Variants in HTR1D observed in about 807,000 individuals in gnomAD.
The protein encoded by HTR1D is 5-hydroxytryptamine receptor 1D, also known as 5-HT-1D.
Under a neutral mutation model 21.1 loss-of-function variants are expected in HTR1D, and 18 were observed. That is an observed-to-expected ratio of 0.85 (90% confidence interval 0.59 to 1.27). HTR1D has a LOEUF of 1.27. Ranked by LOEUF, HTR1D falls within the 50% of genes most tolerant of loss-of-function variation. HTR1D has a pLI of 0.00. For synonymous variants in HTR1D, 196 were observed against 204.4 expected (o/e 0.96, Z 0.35); for missense variants, 456 against 481.4 (o/e 0.95, Z 0.49).
At chr1:23,199,448 TTTTTTA>T in intron 1 of HTR1D, among the ~76,000 whole-genome samples, 1 of 89,852 alleles carries the variant, frequency 1.1e-5, no homozygotes, top group Admixed American at 1.1e-4. Context: ...TTTTTTTTTT[TTTTTTA>T]GAGAGAGGGT....
At chr1:23,213,194 C>T (rs1644760688) in intron 1 of HTR1D, among the ~76,000 whole-genome samples, 1 of 152,174 alleles carries the variant, frequency 6.6e-6, no homozygotes. Context: ...TTCTTCCTTA[C>T]TCTCTTCCCC....
Position 23,193,118 on chromosome 1 carries a change from G to C in HTR1D, c.1102C>G (p.Gln368Glu), listed in dbSNP as rs1362725179. The C allele has an allele frequency of 6.2e-7, 1 of 1,610,392 alleles. No individual in the cohort carries two copies. Among genetic ancestry groups the C allele is most frequent in the Admixed American group, 1.7e-5 (1 of 59,418 alleles). ...VFNEEFRQAF[Q>E]KIVPFRKAS ...GCCTTCCGGAAAGGGACAATTTTCTGAAAAGCTTGCCGAAACTCTTCATTA... is the reference window on the plus strand; with the variant it reads ...GCCTTCCGGAAAGGGACAATTTTCTCAAAAGCTTGCCGAAACTCTTCATTA... Residue 368 changes from glutamine (Q) to glutamate (E), a missense_variant, in exon 2 of 2, where the codon CAG becomes GAG. By Grantham distance (29) the Gln-to-Glu change is conservative. Transcript: ENST00000374619.
At chr1:23,200,977 A>G (rs1197625671) in intron 1 of HTR1D, among the ~76,000 whole-genome samples, 1 of 152,038 alleles carries the variant, frequency 6.6e-6, no homozygotes, top group East Asian at 1.9e-4. Flanking sequence ...CTCCAGCCAC[A>G]CCATGCCTCT....
In HTR1D at chr1:23,193,191, C is replaced by T. The variant is rs1644666857; in HGVS notation, c.1029G>A (p.Trp343Ter). The T allele has an allele frequency of 6.2e-7, 1 of 1,613,852 alleles. No homozygotes were observed. The highest frequency in any genetic ancestry group is 8.5e-7 in the Non-Finnish European group (1 of 1,180,006). Residue 343 changes from tryptophan (W) to a stop codon, truncating the protein, a stop_gained, in exon 2 of 2, where the codon TGG becomes TGA. Transcript: ENST00000374619. LOFTEE classifies it high-confidence loss of function. ...TGATGAGGGAGTTTAAATAGCCTAGCCAGGTGAAGAAGTCAAAGAGCGCCG... is the reference window on the plus strand; with the variant it reads ...TGATGAGGGAGTTTAAATAGCCTAGTCAGGTGAAGAAGTCAAAGAGCGCCG... ...IHPALFDFFT[W>*]LGYLNSLINP... is the part of the protein sequence containing the mutation.
At position 23,217,217 on chromosome 1, in the gene HTR1D, G is replaced by C. The variant is rs559649299; in HGVS notation, c.-783+74C>G. ...CCCGGGCCCCCGAGGCCCCAGGAGG[G>C]GCGCCGCTCCCGGCCTCAGTTCCCC... is the stretch of plus-strand genomic sequence containing the variant. On this transcript the variant is annotated intron_variant, in intron 1 of 1. Transcript: ENST00000374619. This position sits in a 1 kb window ranked among gnomAD's most constrained non-coding sequence, Gnocchi z 4.6. 4.5e-4 allele frequency among the ~76,000 whole-genome samples: 68 copies of C among 151,760 alleles called. No individual in the cohort carries two copies. Among genetic ancestry groups the C allele is most frequent in the African/African-American group, 1.6e-3 (65 of 41,452 alleles).
At position 23,201,906 on chromosome 1, in the gene HTR1D, A is replaced by C. The variant is rs559721365; in HGVS notation, c.-782-6905T>G. The stretch of plus-strand genomic sequence containing the variant: ...CCAACCAATCCCTACTGTGGGGTCC[A>C]AGTCCTTTCACCTCCTGGGCCCTTC... On this transcript the variant is annotated intron_variant, in intron 1 of 1. Coordinates refer to ENST00000374619, the MANE Select transcript of HTR1D (RefSeq NM_000864.5). Among the ~76,000 whole-genome samples, 3 of 152,186 alleles carry C rather than the reference A, an allele frequency of 2.0e-5. No homozygotes were observed. In the East Asian group the frequency reaches 5.8e-4, roughly 29 times the overall value.
At position 23,193,364 on chromosome 1, in the gene HTR1D, G is replaced by A; in HGVS notation, c.856C>T (p.Leu286=). ...HVKIKLADSA[L]ERKRISAARE... is the part of the protein sequence containing the mutation. ...GCAGCAGAAATCCTCTTGCGTTCCA[G>A]GGCACTGTCAGCAAGCTTGATTTTC... Residue 286 remains leucine (L), a synonymous_variant, in exon 2 of 2, where the codon CTG becomes TTG. Transcript: ENST00000374619. The A allele has an allele frequency of 1.9e-6, 3 of 1,614,170 alleles. No homozygotes were observed. The highest frequency in any genetic ancestry group is 2.5e-6 in the Non-Finnish European group (3 of 1,180,040).
intron 1 of HTR1D, among the ~76,000 whole-genome samples, chr1:23,211,648 T>C (rs1038828370): frequency 4.0e-5 from 6 of 151,816 alleles, no homozygotes; most frequent in Non-Finnish European, 8.8e-5. Flanking sequence ...TATGTATGTA[T>C]GTATGTATGT....
rs6300 is a variant in HTR1D at position 23,193,140 on chromosome 1, A to G, written c.1080T>C (p.Asn360=). ...LINPIIYTVF[N]EEFRQAFQKI... ...TCTGAAAAGCTTGCCGAAACTCTTC[A>G]TTAAACACAGTGTAGATTATTGGAT... is the stretch of plus-strand genomic sequence containing the variant. The change falls in exon 2 of 2, where the codon AAT becomes AAC. Residue 360 remains asparagine, a synonymous_variant. Transcript: ENST00000374619. The G allele has an allele frequency of 0.13, 204,548 of 1,613,054 alleles. 16,786 individuals are homozygous for G. The highest frequency in any genetic ancestry group is 0.3 in the South Asian group (27,539 of 90,858).
chr1:23,194,282 T>TGACAAC lies in HTR1D; in HGVS notation c.-69_-64dup. 1.4e-6 allele frequency: 2 copies of TGACAAC among 1,480,036 alleles called. No individual in the cohort carries two copies. The highest frequency in any genetic ancestry group is 2.6e-5 in the South Asian group (2 of 77,624). The allele number at this position is 1,480,036 out of a possible 1,614,324, so 91.7% of individuals were successfully genotyped here. On this transcript the variant is annotated 5_prime_UTR_variant, in exon 2 of 2. Coordinates refer to ENST00000374619, the MANE Select transcript of HTR1D (RefSeq NM_000864.5). Reference sequence around the variant, plus strand: ...TTGGCTCCTTCCTTCAAGGTTGTCCTGACAACAGAGCAAAGTCATCCTTCT... The same window carrying TGACAAC: ...TTGGCTCCTTCCTTCAAGGTTGTCCTGACAACGACAACAGAGCAAAGTCATCCTTCT...
chr1:23,196,916 C>G (rs1448810848), intron 1 of HTR1D, among the ~76,000 whole-genome samples: 1 of 152,158 alleles, frequency 6.6e-6, no homozygotes, highest in Non-Finnish European at 1.5e-5. Context: ...TGCCCCCACT[C>G]GCCCCAGGCT....
intron 1 of HTR1D, among the ~76,000 whole-genome samples, chr1:23,208,338 G>A (rs932414024): frequency 5.9e-5 from 9 of 152,102 alleles, no homozygotes; most frequent in African/African-American, 2.2e-4. Context: ...TTGGGAGGTC[G>A]AGGCGGGTGG....
Position 23,194,103 on chromosome 1 carries a change from G to A in HTR1D, c.117C>T (p.Ile39=). 1 of 1,614,170 alleles carries A rather than the reference G, an allele frequency of 6.2e-7. No individual in the cohort carries two copies. The highest frequency in any genetic ancestry group is 8.5e-7 in the Non-Finnish European group (1 of 1,180,028). Residue 39 remains isoleucine (I), a synonymous_variant, in exon 2 of 2, where the codon ATC becomes ATT. Coordinates refer to ENST00000374619, the MANE Select transcript of HTR1D (RefSeq NM_000864.5). ...WDPRTLQALK[I]SLAVVLSVIT... ...TGACGGAAAGGACCACGGCAAGGGA[G>A]ATCTTGAGCGCCTGGAGGGTCCTGG...
At chr1:23,205,074 A>G (rs1227190939) in intron 1 of HTR1D, among the ~76,000 whole-genome samples, 1 of 152,258 alleles carries the variant, frequency 6.6e-6, no homozygotes, top group Non-Finnish European at 1.5e-5. Flanking sequence ...AAAGGACTGA[A>G]TTAACAGCAT....
chr1:23,193,299 C>G lies in HTR1D; in HGVS notation c.921G>C (p.Leu307=). ...RKATKILGII[L]GAFIICWLPF... ...GCAGCCAGCAGATGATAAAGGCCCCCAGAATGATGCCCAGGATTTTAGTGG... is the reference window on the plus strand; with the variant it reads ...GCAGCCAGCAGATGATAAAGGCCCCGAGAATGATGCCCAGGATTTTAGTGG... Residue 307 remains leucine (L), a synonymous_variant, in exon 2 of 2, where the codon CTG becomes CTC. Coordinates refer to ENST00000374619, the MANE Select transcript of HTR1D (RefSeq NM_000864.5). 1 of 1,614,166 alleles carries G rather than the reference C, an allele frequency of 6.2e-7. No individual in the cohort carries two copies. The highest frequency in any genetic ancestry group is 8.5e-7 in the Non-Finnish European group (1 of 1,180,026).
At chr1:23,216,658 T>C (rs1210081990) in intron 1 of HTR1D, among the ~76,000 whole-genome samples, 1 of 152,238 alleles carries the variant, frequency 6.6e-6, no homozygotes, top group Admixed American at 6.5e-5. Context: ...CTAGGATTTA[T>C]ACAGAACTTT....
chr1:23,208,618 G>C (rs537157088), intron 1 of HTR1D, among the ~76,000 whole-genome samples: 6 of 151,882 alleles, frequency 4.0e-5, no homozygotes, highest in South Asian at 2.1e-4. Flanking sequence ...AGCCAGGCAT[G>C]GTGTCTCAAA....
Position 23,194,233 on chromosome 1 carries a change from C to T in HTR1D, c.-14G>A, listed in dbSNP as rs761381741. 2.5e-6 allele frequency: 4 copies of T among 1,604,120 alleles called. No homozygotes were observed. Among genetic ancestry groups the T allele is most frequent in the Admixed American group, 1.7e-5 (1 of 58,506 alleles). On this transcript the variant is annotated 5_prime_UTR_variant, in exon 2 of 2. Coordinates refer to ENST00000374619, the MANE Select transcript of HTR1D (RefSeq NM_000864.5). ...CAGTGGGGACATGCTAGGTGGCTCT[C>T]TCTTCCCACAGACCTCCACACATTT...
At position 23,217,289 on chromosome 1, in the gene HTR1D, AC is replaced by A. The variant is rs995050345; in HGVS notation, c.-783+1del. The stretch of plus-strand genomic sequence containing the variant: ...GCTGCAGACGCGGCCCCGAGAGCTT[AC>A]CCGCTGCCCGGCGGGCAGGTGCGCA... On this transcript the variant is annotated splice_donor_variant, in intron 1 of 1. Transcript: ENST00000374619. LOFTEE classifies it low-confidence loss of function (5UTR_SPLICE). This position sits in a 1 kb window ranked among gnomAD's most constrained non-coding sequence, Gnocchi z 4.6. Among the ~76,000 whole-genome samples, 2 of 151,166 alleles carry A rather than the reference AC, an allele frequency of 1.3e-5. No individual in the cohort carries two copies. The highest frequency in any genetic ancestry group is 4.9e-5 in the African/African-American group (2 of 41,080).
Sources: gnomAD v4.1 joint callset for allele counts (sites outside exome capture counted in the v4.1 genomes callset) on GRCh38, gnomAD v4.1.1 for gene constraint, Gnocchi (gnomAD v3.1) non-coding constraint, MANE v1.5 for transcripts, NCBI Gene and HGNC (gene_info 2026-07-23, HGNC 2026-07-21) for gene names.